HPGDS: variants seen among roughly 807,000 people sequenced by gnomAD.
HPGDS encodes the protein GST class-sigma.
A neutral mutation model predicts 23.1 loss-of-function variants in HPGDS; 26 were observed. That is an observed-to-expected ratio of 1.13 (90% CI 0.83 to 1.56). HPGDS has a LOEUF of 1.56. HPGDS is among the 40% of genes most tolerant of loss of function. The probability of loss-of-function intolerance (pLI) is 0.00; values close to 1 mark genes in which losing one functional copy is unlikely to be tolerated. For synonymous variants in HPGDS, 95 were observed against 77.9 expected (o/e 1.22, Z -1.16); for missense variants, 268 against 236.4 (o/e 1.13, Z -0.88).
At chr4:94,308,775 T>C (rs1383841584) in intron 3 of HPGDS, 32 bp from the exon 4 acceptor site, 1 of 1,140,064 alleles carries the variant, frequency 8.8e-7, no homozygotes, top group South Asian at 1.3e-5. Flanking sequence ...ATCAATATGT[T>C]TAATTTACTA....
intron 4 of HPGDS, among the ~76,000 whole-genome samples, chr4:94,303,289 C>T (rs902966744): frequency 6.6e-6 from 1 of 152,092 alleles, no homozygotes; most frequent in Non-Finnish European, 1.5e-5. Context: ...AAATCCAAGA[C>T]GTTTTGAGCA....
intron 3 of HPGDS, among the ~76,000 whole-genome samples, chr4:94,312,696 T>C (rs1260089696): frequency 6.6e-6 from 1 of 152,214 alleles, no homozygotes; most frequent in Admixed American, 6.5e-5. Flanking sequence ...GATATCCTTG[T>C]TAACTTTCTG....
intron 2 of HPGDS, 83 bp downstream of exon 2, chr4:94,334,414 T>C: frequency 7.6e-7 from 1 of 1,323,488 alleles, no homozygotes; most frequent in Non-Finnish European, 1.0e-6. Flanking sequence ...TTCGAAAACC[T>C]TGATTTTTTT....
chr4:94,314,877 T>G (rs1756363179), intron 3 of HPGDS, among the ~76,000 whole-genome samples: 1 of 152,202 alleles, frequency 6.6e-6, no homozygotes, highest in African/African-American at 2.4e-5. Flanking sequence ...GCCTTGCAGT[T>G]TGATCTCAGA....
At chr4:94,317,823 C>A in intron 3 of HPGDS, 50 bp downstream of exon 3, 1 of 984,976 alleles carries the variant, frequency 1.0e-6, no homozygotes, top group South Asian at 1.3e-5. Context: ...GAATATATAT[C>A]ATGTATTTGT....
At chr4:94,335,980 C>A (rs202074932) in intron 1 of HPGDS, among the ~76,000 whole-genome samples, 1 of 151,968 alleles carries the variant, frequency 6.6e-6, no homozygotes, top group Admixed American at 6.6e-5. Context: ...CCAAGGCAGG[C>A]GGATCACCTG....
chr4:94,331,610 A>C (rs983042965), intron 2 of HPGDS, among the ~76,000 whole-genome samples: 2 of 152,196 alleles, frequency 1.3e-5, no homozygotes, highest in Non-Finnish European at 2.9e-5. Context: ...ATTTCTGCTC[A>C]AGGAATATTA....
At chr4:94,314,028 T>C (rs1428933772) in intron 3 of HPGDS, among the ~76,000 whole-genome samples, 1 of 152,176 alleles carries the variant, frequency 6.6e-6, no homozygotes, top group African/African-American at 2.4e-5. Flanking sequence ...TTATTCTAGT[T>C]AGCCATTCAT....
chr4:94,340,766 C>A (rs1345638988), intron 1 of HPGDS, among the ~76,000 whole-genome samples: 3 of 146,312 alleles, frequency 2.1e-5, no homozygotes, highest in Non-Finnish European at 4.5e-5. Flanking sequence ...TCAAGCGATT[C>A]TCCTGCCGCA....
At chr4:94,342,634 G>A (rs1721195592) in intron 1 of HPGDS, among the ~76,000 whole-genome samples, 161 bp downstream of exon 1, 1 of 152,118 alleles carries the variant, frequency 6.6e-6, no homozygotes, top group Non-Finnish European at 1.5e-5. Context: ...TCGCATATAT[G>A]GAGAGGTTCT....
At position 94,340,311 on chromosome 4, in the gene HPGDS, C is replaced by CTTTTCTTTTT. The variant is rs1721126934; in HGVS notation, c.-10+2483_-10+2484insAAAAAGAAAA. The stretch of plus-strand genomic sequence containing the variant: ...TTTCTTTCTTTCTTTCTTTCTTTCT[C>CTTTTCTTTTT]TTTTTTTTTTTTTTTTTTTTTTTTT... On this transcript the variant is annotated intron_variant, in intron 1 of 5. Transcript: ENST00000295256. Among the ~76,000 whole-genome samples the CTTTTCTTTTT allele has an allele frequency of 3.4e-4, 8 of 23,678 alleles. 1 individual carries two copies. The highest frequency in any genetic ancestry group is 6.1e-4 in the Admixed American group (1 of 1,634). The allele number at this position is 23,678 out of a possible 152,430, so 15.5% of individuals were successfully genotyped here. A position where few individuals can be genotyped will look rare whatever the true frequency, so the allele number is the denominator to read the frequency against.
At chr4:94,319,987 C>A (rs28867521) in intron 2 of HPGDS, among the ~76,000 whole-genome samples, 4,347 of 152,190 alleles carry the variant, frequency 0.029, 198 homozygotes, top group African/African-American at 0.099. Flanking sequence ...GTTCAGTTCC[C>A]ACCTATGAGT....
rs34427506 is a variant in HPGDS at position 94,309,050 on chromosome 4, C to CTTTT, written c.227-311_227-308dup. ...TACAAGTACCCAAAGGGTGTACTTGCTTTTTTTTTTTTTTTTTTTTTTTTT... is the reference window on the plus strand; with the variant it reads ...TACAAGTACCCAAAGGGTGTACTTGCTTTTTTTTTTTTTTTTTTTTTTTTTTTTT... On this transcript the variant is annotated intron_variant, in intron 3 of 5. Coordinates refer to ENST00000295256, the MANE Select transcript of HPGDS (RefSeq NM_014485.3). Among the ~76,000 whole-genome samples, 6 of 31,014 alleles carry CTTTT rather than the reference C, an allele frequency of 1.9e-4. 1 individual carries two copies. The highest frequency in any genetic ancestry group is 4.3e-4 in the Admixed American group (1 of 2,326). 20.3% of individuals were successfully genotyped at this position (31,014 alleles called of 152,430 possible). A position where few individuals can be genotyped will look rare whatever the true frequency, so the allele number is the denominator to read the frequency against.
rs762210757 is a variant in HPGDS at position 94,317,875 on chromosome 4, G to C, written c.224C>G (p.Thr75Arg). The change falls in exon 3 of 6, where the codon ACA becomes AGA. Residue 75 changes from threonine to arginine, a missense_variant and splice_region_variant. Transcript: ENST00000295256. The part of the protein sequence containing the change: ...LAIARYLTKN[T>R]DLAGNTEMEQ... ...CTTAAGCACAATAAACATGTTACCT[G>C]TGTTTTTGGTCAAATATCTTGCTAT... The C allele has an allele frequency of 2.5e-6, 4 of 1,577,186 alleles. No homozygotes were observed. Among genetic ancestry groups the C allele is most frequent in the East Asian group, 2.2e-5 (1 of 44,604 alleles).
At chr4:94,319,151 G>A (rs767592708) in intron 2 of HPGDS, among the ~76,000 whole-genome samples, 1 of 152,118 alleles carries the variant, frequency 6.6e-6, no homozygotes, top group African/African-American at 2.4e-5. Context: ...TCCAACTCTT[G>A]TTACATTAGA....
intron 4 of HPGDS, among the ~76,000 whole-genome samples, chr4:94,305,645 G>A (rs997957713): frequency 1.3e-5 from 2 of 151,986 alleles, no homozygotes; most frequent in African/African-American, 4.8e-5. Flanking sequence ...TTGCACTGTG[G>A]TATTATACCC....
At chr4:94,302,640 A>G (rs1756065262) in intron 4 of HPGDS, among the ~76,000 whole-genome samples, 1 of 152,090 alleles carries the variant, frequency 6.6e-6, no homozygotes, top group Non-Finnish European at 1.5e-5. Context: ...AAGGTAAAGA[A>G]ATTTATTTTA....
At chr4:94,326,784 C>T (rs982196601) in intron 2 of HPGDS, among the ~76,000 whole-genome samples, 4 of 151,712 alleles carry the variant, frequency 2.6e-5, no homozygotes, top group Non-Finnish European at 5.9e-5. Flanking sequence ...TTTCATATTT[C>T]TTGTGTCTTT....
chr4:94,320,738 T>C (rs967261242), intron 2 of HPGDS, among the ~76,000 whole-genome samples: 2 of 152,224 alleles, frequency 1.3e-5, no homozygotes, highest in African/African-American at 2.4e-5. Context: ...TGGTAGTTTC[T>C]TTTACTGTGC....
Sources: allele counts gnomAD v4.1 joint callset (sites outside exome capture counted in the v4.1 genomes callset), GRCh38; gene constraint gnomAD v4.1.1; transcripts MANE v1.5; gene names NCBI Gene and HGNC (gene_info 2026-07-23, HGNC 2026-07-21).